HECW2: variants seen among roughly 807,000 people sequenced by gnomAD.
The protein encoded by HECW2 is HECT, C2 and WW domain containing E3 ubiquitin protein ligase 2, also known as E3 ubiquitin-protein ligase HECW2.
A neutral mutation model predicts 175.2 loss-of-function variants in HECW2; 61 were observed. That is an observed-to-expected ratio of 0.35 (90% CI 0.28 to 0.43). HECW2 has a LOEUF of 0.43. Ranked by LOEUF, HECW2 falls within the 20% of genes least tolerant of loss-of-function variation. The pLI is 1.00. For synonymous variants in HECW2, 671 were observed against 731.0 expected (o/e 0.92, Z 1.32); for missense variants, 1,524 against 2,000.5 (o/e 0.76, Z 4.54).
intron 5 of HECW2, among the ~76,000 whole-genome samples, chr2:196,328,513 G>C (rs2105786636): frequency 6.6e-6 from 1 of 152,310 alleles, no homozygotes. Context: ...GCAATGAACT[G>C]ATGTGTACAC....
intron 1 of HECW2, chr2:196,586,419 C>T (rs1331188914): frequency 6.6e-6 from 1 of 152,174 alleles, no homozygotes; most frequent in African/African-American, 2.4e-5. Flanking sequence ...AAATATTACA[C>T]GAGCACCTTT....
chr2:196,381,513 A>G (rs970693451), intron 2 of HECW2, among the ~76,000 whole-genome samples: 2 of 152,236 alleles, frequency 1.3e-5, no homozygotes, highest in Non-Finnish European at 2.9e-5. Context: ...TCAGGATTAT[A>G]AAGAAGCAGG....
chr2:196,211,884 C>T (rs1687300488), intron 28 of HECW2, among the ~76,000 whole-genome samples: 3 of 152,140 alleles, frequency 2.0e-5, no homozygotes, highest in African/African-American at 7.2e-5. Flanking sequence ...GCTCTGTCGC[C>T]CAGGCTGGAG....
chr2:196,297,870 C>A (rs1690878691), intron 13 of HECW2, among the ~76,000 whole-genome samples: 1 of 152,146 alleles, frequency 6.6e-6, no homozygotes, highest in Non-Finnish European at 1.5e-5. Context: ...CTGTTTTATA[C>A]AGTCTGTCTT....
Position 196,201,251 on chromosome 2 carries a change from A to G in HECW2, c.*26T>C, listed in dbSNP as rs753888043. 3.4e-6 allele frequency: 5 copies of G among 1,453,862 alleles called. No homozygotes were observed. The South Asian group carries it at 4.6e-5, about 13-fold the overall frequency. The allele number at this position is 1,453,862 out of a possible 1,614,324, so 90.1% of individuals were successfully genotyped here. ...AGGCAGCTTCTGAACCTGCCTGTCC[A>G]CAGAGATGGGCATTCAGCTTCCAGG... On this transcript the variant is annotated 3_prime_UTR_variant, in exon 29 of 29. Coordinates refer to ENST00000644978, the MANE Select transcript of HECW2 (RefSeq NM_001348768.2).
intron 1 of HECW2, among the ~76,000 whole-genome samples, chr2:196,556,421 G>A (rs1483928628): frequency 2.0e-5 from 3 of 152,156 alleles, no homozygotes; most frequent in Non-Finnish European, 4.4e-5. Context: ...AACTAGAAGT[G>A]TGTACCCTTT....
chr2:196,527,344 G>A (rs566222916), intron 1 of HECW2, among the ~76,000 whole-genome samples: 29 of 152,350 alleles, frequency 1.9e-4, no homozygotes, highest in Admixed American at 4.6e-4. Flanking sequence ...GCTCACGCAC[G>A]GTGCACGCAC....
chr2:196,441,284 T>C (rs1198738151), intron 1 of HECW2, among the ~76,000 whole-genome samples: 1 of 152,110 alleles, frequency 6.6e-6, no homozygotes, highest in Non-Finnish European at 1.5e-5. Context: ...TCTAACTTCC[T>C]AGAGTTGGCA....
In HECW2 at chr2:196,317,332, T is replaced by C. The variant is rs1168824527; in HGVS notation, c.2376A>G (p.Leu792=). ...QANGHQPLRS[L]PSVRQDVSRY... ...GGCTAACATCCTGGCGCACTGAAGG[T>C]AGTGATCGCAGTGGCTGGTGGCCGT... is the stretch of plus-strand genomic sequence containing the variant. The change falls in exon 10 of 29, where the codon CTA becomes CTG. Residue 792 remains leucine, a synonymous_variant. Transcript: ENST00000644978. The C allele has an allele frequency of 1.2e-6, 2 of 1,613,356 alleles. No individual in the cohort carries two copies. The highest frequency in any genetic ancestry group is 1.7e-6 in the Non-Finnish European group (2 of 1,179,788).
intron 23 of HECW2, among the ~76,000 whole-genome samples, chr2:196,223,668 T>G (rs966815453): frequency 6.6e-6 from 1 of 152,126 alleles, no homozygotes; most frequent in African/African-American, 2.4e-5. Context: ...GGGCATGACA[T>G]GATCAGACGT....
At chr2:196,460,592 C>T (rs1011182998) in intron 1 of HECW2, among the ~76,000 whole-genome samples, 1 of 150,550 alleles carries the variant, frequency 6.6e-6, no homozygotes, top group Non-Finnish European at 1.5e-5. Context: ...AGGGAAAAAT[C>T]TCAATTGTTT....
At chr2:196,426,152 G>GT (rs904035211) in intron 2 of HECW2, among the ~76,000 whole-genome samples, 1 of 151,910 alleles carries the variant, frequency 6.6e-6, no homozygotes, top group Admixed American at 6.6e-5. Flanking sequence ...ATGTACATCA[G>GT]TTTTTTTTAG....
In HECW2 at chr2:196,201,364, C is replaced by T; in HGVS notation, c.4632G>A (p.Leu1544=). Residue 1544 remains leucine (L), a synonymous_variant, in exon 29 of 29, where the codon CTG becomes CTA. Coordinates refer to ENST00000644978, the MANE Select transcript of HECW2 (RefSeq NM_001348768.2). The stretch of plus-strand genomic sequence containing the variant: ...AAAAGGATGGGTAGGGAGGCAGATC[C>T]AGACGGTTAAAACATGTATGCGCTC... The part of the protein sequence containing the change: ...LPRAHTCFNR[L]DLPPYPSFSM... 1 of 1,613,446 alleles carries T rather than the reference C, an allele frequency of 6.2e-7. No homozygotes were observed. The highest frequency in any genetic ancestry group is 8.5e-7 in the Non-Finnish European group (1 of 1,179,480).
chr2:196,436,035 C>A (rs1371374820), intron 1 of HECW2, among the ~76,000 whole-genome samples: 1 of 152,174 alleles, frequency 6.6e-6, no homozygotes, highest in Non-Finnish European at 1.5e-5. Flanking sequence ...AACAAAAGAG[C>A]CTTGTAGGCA....
chr2:196,283,371 A>G (rs186401156), intron 14 of HECW2, among the ~76,000 whole-genome samples: 7 of 150,414 alleles, frequency 4.7e-5, no homozygotes, highest in Non-Finnish European at 7.4e-5. Flanking sequence ...TATGTGAGAG[A>G]ATACACTTTT....
intron 1 of HECW2, among the ~76,000 whole-genome samples, chr2:196,436,569 A>T (rs1025356649): frequency 1.4e-4 from 22 of 152,174 alleles, no homozygotes; most frequent in African/African-American, 5.3e-4. Flanking sequence ...AAGAAAAGAC[A>T]CGCAACTAAG....
chr2:196,520,808 G>C (rs1456915570), intron 1 of HECW2, among the ~76,000 whole-genome samples: 1 of 152,120 alleles, frequency 6.6e-6, no homozygotes, highest in East Asian at 1.9e-4. Flanking sequence ...AGGTCAGAGG[G>C]GATTCAATTT....
chr2:196,292,592 C>T lies in HECW2; in HGVS notation c.2973G>A (p.Trp991Ter). The part of the protein sequence containing the change: ...ANKQLELPRG[W>*]EMKHDHQGKA... ...TGCCCTGGTGATCATGTTTCATTTC[C>T]CATCCCCGCGGCAGCTCTAGCTGTT... Residue 991 changes from tryptophan (W) to a stop codon, truncating the protein, a stop_gained, in exon 14 of 29, where the codon TGG (tryptophan) becomes TGA (stop). Transcript: ENST00000644978. LOFTEE classifies it high-confidence loss of function. 6.2e-7 allele frequency: 1 copy of T among 1,613,672 alleles called. No individual in the cohort carries two copies.
chr2:196,259,170 T>C (rs1975778), intron 17 of HECW2, among the ~76,000 whole-genome samples: 8,946 of 152,220 alleles, frequency 0.059, 853 homozygotes, highest in African/African-American at 0.2. Context: ...GATGGGGTTT[T>C]GCCATGTTCG....
Sources: gnomAD v4.1 joint callset for allele counts (sites outside exome capture counted in the v4.1 genomes callset) on GRCh38, gnomAD v4.1.1 for gene constraint, MANE v1.5 for transcripts, NCBI Gene and HGNC (gene_info 2026-07-23, HGNC 2026-07-21) for gene names.